Variants in ERBB2 observed in about 807,000 individuals in gnomAD.
ERBB2 encodes the protein erb-b2 receptor tyrosine kinase 2, also known as receptor tyrosine-protein kinase erbB-2.
Under a neutral mutation model 149.0 loss-of-function variants are expected in ERBB2, and 61 were observed. The ratio of observed to expected loss-of-function variants is 0.41; its 90% confidence interval spans 0.33 to 0.51. The LOEUF (loss-of-function observed/expected upper bound fraction) is 0.51, where lower values mean the gene tolerates loss of function less well. ERBB2 is among the 20% of genes least tolerant of loss of function. The probability of loss-of-function intolerance (pLI) is 0.25; values close to 1 mark genes in which losing one functional copy is unlikely to be tolerated. For synonymous variants in ERBB2, 633 were observed against 678.8 expected (o/e 0.93, Z 1.05); for missense variants, 1,205 against 1,655.1 (o/e 0.73, Z 4.72).
At chr17:39,715,413 C>T (rs755789539) in intron 10 of ERBB2, 33 bp from the exon 11 acceptor site, 1 of 1,613,284 alleles carries the variant, frequency 6.2e-7, no homozygotes, top group Non-Finnish European at 8.5e-7. Flanking sequence ...CTTGTCCTGT[C>T]CCCACTCCTT....
chr17:39,709,337 C>T lies in ERBB2; in HGVS notation c.459C>T (p.Val153=), dbSNP rs751770717. The T allele has an allele frequency of 6.2e-7, 1 of 1,614,086 alleles. No individual in the cohort carries two copies. The highest frequency in any genetic ancestry group is 8.5e-7 in the Non-Finnish European group (1 of 1,180,006). The change falls in exon 4 of 27, where the codon GTC becomes GTT. Residue 153 remains valine, a synonymous_variant. Transcript: ENST00000269571. ...RSLTEILKGG[V]LIQRNPQLCY... is the part of the protein sequence containing the mutation. ...CCACAGAGATCTTGAAAGGAGGGGTCTTGATCCAGCGGAACCCCCAGCTCT... is the reference window on the plus strand; with the variant it reads ...CCACAGAGATCTTGAAAGGAGGGGTTTTGATCCAGCGGAACCCCCAGCTCT...
chr17:39,701,000 C>T (rs781206810), intron 1 of ERBB2, among the ~76,000 whole-genome samples: 25 of 78,350 alleles, frequency 3.2e-4, no homozygotes, highest in Admixed American at 7.4e-4. Context: ...ACTTTTGGAG[C>T]GCGTGGACCA....
intron 3 of ERBB2, 109 bp from the exon 4 acceptor site, chr17:39,709,209 T>G (rs974393855): frequency 1.6e-5 from 21 of 1,288,312 alleles, no homozygotes; most frequent in South Asian, 2.7e-5. Context: ...CTGGGGAATC[T>G]GGGGGTTGTT....
intron 15 of ERBB2, among the ~76,000 whole-genome samples, chr17:39,718,395 C>T (rs534711764): frequency 4.6e-5 from 7 of 152,328 alleles, no homozygotes; most frequent in East Asian, 1.9e-4. Flanking sequence ...GGAGAACCAC[C>T]GCATTGACTT....
intron 2 of ERBB2, among the ~76,000 whole-genome samples, chr17:39,689,919 A>G (rs892882192): frequency 2.0e-5 from 3 of 151,172 alleles, no homozygotes; most frequent in Admixed American, 6.6e-5. Flanking sequence ...AAAAAAAAAG[A>G]AAAAGAAAAT....
At chr17:39,715,380 C>G (rs2145634502) in intron 10 of ERBB2, 21 bp downstream of exon 10, 4 of 1,613,598 alleles carry the variant, frequency 2.5e-6, no homozygotes, top group Non-Finnish European at 3.4e-6. Context: ...TCTCTGCATC[C>G]TGTTCTGCAG....
At position 39,715,313 on chromosome 17, in the gene ERBB2, C is replaced by G. The variant is rs562384569; in HGVS notation, c.1176C>G (p.Leu392=). ...DGDPASNTAP[L]QPEQLQVFET... is the part of the protein sequence containing the mutation. ...ACCCAGCCTCCAACACTGCCCCGCTCCAGCCAGAGCAGCTCCAAGTGTTTG... is the reference window on the plus strand; with the variant it reads ...ACCCAGCCTCCAACACTGCCCCGCTGCAGCCAGAGCAGCTCCAAGTGTTTG... The change falls in exon 10 of 27, where the codon CTC becomes CTG. Residue 392 remains leucine, a synonymous_variant. Coordinates refer to ENST00000269571, the MANE Select transcript of ERBB2 (RefSeq NM_004448.4). The G allele has an allele frequency of 5.6e-6, 9 of 1,614,070 alleles. No individual in the cohort carries two copies. In the East Asian group the frequency reaches 1.8e-4, roughly 32 times the overall value.
At chr17:39,714,178 C>T (rs75551385) in intron 9 of ERBB2, among the ~76,000 whole-genome samples, 1,826 of 152,168 alleles carry the variant, frequency 0.012, 19 homozygotes, top group Non-Finnish European at 0.019. Context: ...TCTGTAGACA[C>T]ACACACAGTG....
chr17:39,707,164 C>A (rs2145412983), intron 2 of ERBB2, 23 bp downstream of exon 2: 1 of 1,528,124 alleles, frequency 6.5e-7, no homozygotes, highest in South Asian at 1.2e-5. Flanking sequence ...GGCAACCCAG[C>A]CAGGCCCTGC....
At chr17:39,701,356 G>A (rs1567893217) in intron 1 of ERBB2, among the ~76,000 whole-genome samples, 1 of 152,226 alleles carries the variant, frequency 6.6e-6, no homozygotes, top group Non-Finnish European at 1.5e-5. Context: ...TTGAGTAGCA[G>A]CTAGTAAGTG....
At chr17:39,716,471 A>G (rs763811677) in intron 13 of ERBB2, 38 bp downstream of exon 13, 9 of 1,613,586 alleles carry the variant, frequency 5.6e-6, no homozygotes, top group Non-Finnish European at 5.9e-6. Context: ...GGAGGGGTGC[A>G]TGGGGCTCCT....
At chr17:39,717,253 G>C (rs2145702091) in intron 14 of ERBB2, 67 bp from the exon 15 acceptor site, 1 of 1,374,082 alleles carries the variant, frequency 7.3e-7, no homozygotes, top group Non-Finnish European at 9.8e-7. Flanking sequence ...ACCCAACTAA[G>C]GGCCTGATCC....
rs2145519106 is a variant in ERBB2, at chr17:39,710,374, A to G, written c.794A>G (p.Glu265Gly). Residue 265 changes from glutamate (E) to glycine (G), a missense_variant, in exon 7 of 27, where the codon GAG becomes GGG. Physicochemically the swap from Glu to Gly is moderately conservative, Grantham distance 98 (BLOSUM62 -2). Around this residue, in one of 6 missense-constraint regions of ERBB2, gnomAD observed 569 missense variants for 803.5 expected, o/e 0.71. Transcript: ENST00000269571. ...CACTTCAACCACAGTGGCATCTGTGAGCTGCACTGCCCAGCCCTGGTCACC... is the reference window on the plus strand; with the variant it reads ...CACTTCAACCACAGTGGCATCTGTGGGCTGCACTGCCCAGCCCTGGTCACC... Reference protein sequence around the residue: ...CLHFNHSGICELHCPALVTYN... With the variant: ...CLHFNHSGICGLHCPALVTYN... 3 of 1,614,146 alleles carry G rather than the reference A, an allele frequency of 1.9e-6. No individual in the cohort carries two copies. The highest frequency in any genetic ancestry group is 2.5e-6 in the Non-Finnish European group (3 of 1,180,020).
At chr17:39,707,523 A>C in intron 2 of ERBB2, 1 of 181,460 alleles carries the variant, frequency 5.5e-6, no homozygotes, top group Non-Finnish European at 1.1e-5. Context: ...AGCCCTATGA[A>C]TGTGGCCTAC....
rs2145659298 is a variant in ERBB2, at chr17:39,715,911, C to T, written c.1485C>T (p.His495=). ...LFRNPHQALL[H]TANRPEDECV... Reference sequence around the variant, plus strand: ...GGAACCCGCACCAAGCTCTGCTCCACACTGCCAACCGGCCAGAGGACGAGT... The same window carrying T: ...GGAACCCGCACCAAGCTCTGCTCCATACTGCCAACCGGCCAGAGGACGAGT... The change falls in exon 12 of 27, where the codon CAC becomes CAT. Residue 495 remains histidine (H), a synonymous_variant. Coordinates refer to ENST00000269571, the MANE Select transcript of ERBB2 (RefSeq NM_004448.4). The T allele has an allele frequency of 6.2e-7, 1 of 1,611,488 alleles. No individual in the cohort carries two copies. Among genetic ancestry groups the T allele is most frequent in the Non-Finnish European group, 8.5e-7 (1 of 1,180,012 alleles).
Position 39,728,114 on chromosome 17 carries a change from C to A in ERBB2, c.*70C>A. ...GCAGGGAAGGCCTGACTTCTGCTGG[C>A]ATCAAGAGGTGGGAGGGCCCTCCGA... On this transcript the variant is annotated 3_prime_UTR_variant, in exon 27 of 27. Coordinates refer to ENST00000269571, the MANE Select transcript of ERBB2 (RefSeq NM_004448.4). The A allele has an allele frequency of 8.5e-7, 1 of 1,181,188 alleles. No homozygotes were observed. Among genetic ancestry groups the A allele is most frequent in the Non-Finnish European group, 1.2e-6 (1 of 849,320 alleles). 73.2% of individuals were successfully genotyped at this position (1,181,188 alleles called of 1,614,324 possible). A position where few individuals can be genotyped will look rare whatever the true frequency, so the allele number is the denominator to read the frequency against.
rs4252650 is a variant in ERBB2 at position 39,725,953 on chromosome 17, C to G, written c.2872+100C>G. On this transcript the variant is annotated intron_variant, in intron 23 of 26. Coordinates refer to ENST00000269571, the MANE Select transcript of ERBB2 (RefSeq NM_004448.4). This position sits in a 1 kb window ranked among gnomAD's most constrained non-coding sequence, Gnocchi z 4.6. ...AAAGGGGACCAGGATGTATGTAGAC[C>G]CAGGAGCCCTAGTATGTTAGGAGCC... The G allele has an allele frequency of 7.8e-7, 1 of 1,285,640 alleles. No individual in the cohort carries two copies. The highest frequency in any genetic ancestry group is 1.5e-5 in the African/African-American group (1 of 66,768). 79.6% of individuals were successfully genotyped at this position (1,285,640 alleles called of 1,614,324 possible).
chr17:39,723,846 T>C lies in ERBB2; in HGVS notation c.2209-66T>C. On this transcript the variant is annotated intron_variant, in intron 18 of 26. Transcript: ENST00000269571. The surrounding 1 kb of genome is among the most constrained non-coding windows in gnomAD (Gnocchi z 6.2). ...AGGATGTTTGGAGGACAAGTAATGA[T>C]CTCCTGGAAGGCAGGTAGGATCCAG... The C allele has an allele frequency of 4.0e-6, 6 of 1,510,686 alleles. No homozygotes were observed. The highest frequency in any genetic ancestry group is 1.7e-5 in the Admixed American group (1 of 59,232). The allele number at this position is 1,510,686 out of a possible 1,614,324, so 93.6% of individuals were successfully genotyped here. A position where few individuals can be genotyped will look rare whatever the true frequency, so the allele number is the denominator to read the frequency against.
intron 7 of ERBB2, 91 bp from the exon 8 acceptor site, chr17:39,711,837 A>T (rs1490007818): frequency 1.3e-6 from 2 of 1,497,638 alleles, no homozygotes; most frequent in Non-Finnish European, 1.8e-6. Flanking sequence ...ATTGGTTGAT[A>T]TTATTCTTCT....
Sources: allele counts gnomAD v4.1 joint callset (sites outside exome capture counted in the v4.1 genomes callset), GRCh38; gene constraint gnomAD v4.1.1; regional missense constraint gnomAD v4.1.1; non-coding constraint Gnocchi (gnomAD v3.1); transcripts MANE v1.5; gene names NCBI Gene and HGNC (gene_info 2026-07-23, HGNC 2026-07-21).